BIRC6: variants seen among roughly 807,000 people sequenced by gnomAD.
BIRC6 encodes dual E2 ubiquitin-conjugating enzyme/E3 ubiquitin-protein ligase BIRC6.
Under a neutral mutation model 503.3 loss-of-function variants are expected in BIRC6, and 98 were observed. The observed-to-expected ratio is 0.19, with a 90% CI of 0.17 to 0.23. The LOEUF is 0.23. Among genes scored for constraint, BIRC6 ranks in the 10% least tolerant of loss-of-function variants. The probability of loss-of-function intolerance (pLI) is 1.00; values close to 1 mark genes in which losing one functional copy is unlikely to be tolerated. For synonymous variants in BIRC6, 2,240 were observed against 2,078.7 expected (o/e 1.08, Z -2.11); for missense variants, 5,360 against 5,806.0 (o/e 0.92, Z 2.50).
At chr2:32,401,702 TAAAG>T (rs2040612000) in intron 8 of BIRC6, 79 bp downstream of exon 8, 2 of 1,288,108 alleles carry the variant, frequency 1.6e-6, no homozygotes, top group South Asian at 1.7e-5. Flanking sequence ...TTCTAATAAT[TAAAG>T]AGGAGGAAAA....
chr2:32,357,101 G>A lies in BIRC6; in HGVS notation c.-61G>A, dbSNP rs1392443255. 2.9e-6 allele frequency: 4 copies of A among 1,364,444 alleles called. No individual in the cohort carries two copies. Among genetic ancestry groups the A allele is most frequent in the Non-Finnish European group, 2.9e-6 (3 of 1,047,582 alleles). 84.5% of individuals were successfully genotyped at this position (1,364,444 alleles called of 1,614,324 possible). ...TCCGGCCGGGCGATCGACGTTCCGC[G>A]TGCGTGCGGGCGCCTGACTTCACTT... On this transcript the variant is annotated 5_prime_UTR_variant, in exon 1 of 74. The change creates a new upstream start codon in the 5' untranslated region. Transcript: ENST00000421745. This position sits in a 1 kb window ranked among gnomAD's most constrained non-coding sequence, Gnocchi z 4.9.
At chr2:32,494,611 A>G (rs1386538562) in intron 45 of BIRC6, among the ~76,000 whole-genome samples, 1 of 151,780 alleles carries the variant, frequency 6.6e-6, no homozygotes, top group East Asian at 1.9e-4. Context: ...CCATTAATAT[A>G]AGGAATAGGG....
In BIRC6 at chr2:32,593,945, A is replaced by T. The variant is rs1051249971; in HGVS notation, c.13386A>T (p.Val4462=). The T allele has an allele frequency of 1.5e-5, 25 of 1,613,082 alleles. No homozygotes were observed. The highest frequency in any genetic ancestry group is 2.0e-5 in the Non-Finnish European group (24 of 1,179,554). The stretch of plus-strand genomic sequence containing the variant: ...AAAGGGAAAATGTTAAAACAGGAGT[A>T]AAACCAGATGCGTCTGATCAAGAAC... ...RSKRENVKTG[V]KPDASDQEPE... is the part of the protein sequence containing the mutation. The change falls in exon 67 of 74, where the codon GTA becomes GTT. Residue 4462 remains valine, a synonymous_variant. Transcript: ENST00000421745.
intron 65 of BIRC6, among the ~76,000 whole-genome samples, chr2:32,559,618 AT>A (rs2059015083): frequency 6.6e-6 from 1 of 151,930 alleles, no homozygotes; most frequent in Non-Finnish European, 1.5e-5. Context: ...ACCGGTACAC[AT>A]TAATTTACAA....
intron 58 of BIRC6, 137 bp from the exon 59 acceptor site, chr2:32,525,327 A>G: frequency 2.2e-6 from 2 of 927,458 alleles, no homozygotes; most frequent in Non-Finnish European, 1.6e-6. Flanking sequence ...GGGAGATTAG[A>G]TATTGGATTA....
intron 49 of BIRC6, 68 bp from the exon 50 acceptor site, chr2:32,504,937 A>T: frequency 1.5e-6 from 2 of 1,342,190 alleles, no homozygotes; most frequent in Non-Finnish European, 2.1e-6. Flanking sequence ...TTGTATTTGT[A>T]TAGATTTTAA....
intron 3 of BIRC6, among the ~76,000 whole-genome samples, chr2:32,383,213 A>AT (rs2037942696): frequency 6.8e-6 from 1 of 147,754 alleles, no homozygotes; most frequent in Non-Finnish European, 1.5e-5. Flanking sequence ...CGCCTGGCTA[A>AT]CTTTTGTATT....
chr2:32,370,350 A>T (rs972447111), intron 1 of BIRC6, among the ~76,000 whole-genome samples: 1 of 152,182 alleles, frequency 6.6e-6, no homozygotes, highest in African/African-American at 2.4e-5. Context: ...GTTAATGTGA[A>T]TGAAGAGAAT....
At chr2:32,476,394 A>G (rs2049768606) in intron 34 of BIRC6, 50 bp downstream of exon 34, 12 of 1,503,008 alleles carry the variant, frequency 8.0e-6, no homozygotes, top group Non-Finnish European at 1.1e-5. Flanking sequence ...TCAAGGAGTT[A>G]TGATCTTTAA....
chr2:32,554,511 G>C (rs1480726736), intron 65 of BIRC6, among the ~76,000 whole-genome samples: 2 of 152,168 alleles, frequency 1.3e-5, no homozygotes, highest in Non-Finnish European at 2.9e-5. Context: ...TGATGTGTTA[G>C]AGTAAGGTAG....
At chr2:32,551,103 T>C (rs12465072) in intron 65 of BIRC6, among the ~76,000 whole-genome samples, 25,901 of 151,900 alleles carry the variant, frequency 0.17, 2,441 homozygotes, top group Admixed American at 0.25. Context: ...ATGTAACTTA[T>C]AGTCAGTAGG....
chr2:32,542,887 C>T (rs374068599), intron 61 of BIRC6, among the ~76,000 whole-genome samples: 2 of 152,250 alleles, frequency 1.3e-5, no homozygotes, highest in East Asian at 1.9e-4. Flanking sequence ...GTGCCTTCCA[C>T]CTCCTGGGTT....
chr2:32,471,717 A>G (rs2049127682), intron 32 of BIRC6, among the ~76,000 whole-genome samples: 1 of 152,066 alleles, frequency 6.6e-6, no homozygotes, highest in Admixed American at 6.5e-5. Flanking sequence ...TGTTCTGAAA[A>G]TAAGGGTTTT....
chr2:32,600,504 T>C (rs79834450), intron 70 of BIRC6, among the ~76,000 whole-genome samples: 1,595 of 152,296 alleles, frequency 0.01, 20 homozygotes, highest in Middle Eastern at 0.017. Flanking sequence ...AATTAGTTTT[T>C]TGGGTTTGTT....
In BIRC6 at chr2:32,357,421, G is replaced by T; in HGVS notation, c.260G>T (p.Ser87Ile). The T allele has an allele frequency of 6.5e-7, 1 of 1,549,738 alleles. No individual in the cohort carries two copies. Among genetic ancestry groups the T allele is most frequent in the Non-Finnish European group, 8.7e-7 (1 of 1,146,756 alleles). The change falls in exon 1 of 74, where the codon AGC becomes ATC. Residue 87 changes from serine (S) to isoleucine (I), a missense_variant. Around this residue, in one of 16 missense-constraint regions of BIRC6, gnomAD observed 47 missense variants for 93.3 expected, o/e 0.50. Transcript: ENST00000421745. This position sits in a 1 kb window ranked among gnomAD's most constrained non-coding sequence, Gnocchi z 4.9. ...PALNAILAVTSRGTIKVIDGT... is the reference protein window; with the variant it reads ...PALNAILAVTIRGTIKVIDGT... ...CTCAACGCCATCCTGGCCGTCACTAGCCGCGGGACCATCAAAGTCATCGAC... is the reference window on the plus strand; with the variant it reads ...CTCAACGCCATCCTGGCCGTCACTATCCGCGGGACCATCAAAGTCATCGAC...
At chr2:32,453,722 T>C in intron 22 of BIRC6, 86 bp from the exon 23 acceptor site, 1 of 1,260,288 alleles carries the variant, frequency 7.9e-7, no homozygotes, top group Non-Finnish European at 1.1e-6. Context: ...CTAATTAAAA[T>C]TGAAGTTGCA....
At chr2:32,487,024 A>G (rs890316210) in intron 40 of BIRC6, among the ~76,000 whole-genome samples, 2 of 152,156 alleles carry the variant, frequency 1.3e-5, no homozygotes, top group Non-Finnish European at 2.9e-5. Context: ...AAAAAAAAGA[A>G]TAAAAAAGAA....
At chr2:32,397,487 A>T (rs2040032932) in intron 6 of BIRC6, among the ~76,000 whole-genome samples, 1 of 151,348 alleles carries the variant, frequency 6.6e-6, no homozygotes, top group Non-Finnish European at 1.5e-5. Context: ...AAAAAGAGTG[A>T]AGCTGTGGAT....
At position 32,483,749 on chromosome 2, in the gene BIRC6, C is replaced by G. The variant is rs144841730; in HGVS notation, c.7696+1167C>G. ...TCAGTTTGTGTTTGTATGCTATTTC[C>G]TTGTGAATAGAATATTGAGTTAATG... On this transcript the variant is annotated intron_variant, in intron 39 of 73. Transcript: ENST00000421745. 5.7e-3 allele frequency among the ~76,000 whole-genome samples: 865 copies of G among 152,232 alleles called. 7 individuals are homozygous for G. Among genetic ancestry groups the G allele is most frequent in the African/African-American group, 0.02 (836 of 41,518 alleles).
Sources: allele counts gnomAD v4.1 joint callset (sites outside exome capture counted in the v4.1 genomes callset), GRCh38; gene constraint gnomAD v4.1.1; regional missense constraint gnomAD v4.1.1; non-coding constraint Gnocchi (gnomAD v3.1); transcripts MANE v1.5; gene names NCBI Gene and HGNC (gene_info 2026-07-23, HGNC 2026-07-21).